Variants in VPS13B observed in about 807,000 individuals in gnomAD.
VPS13B encodes the protein vacuolar protein sorting 13 homolog B, also known as intermembrane lipid transfer protein VPS13B.
A neutral mutation model predicts 426.4 loss-of-function variants in VPS13B; 285 were observed. That is an observed-to-expected ratio of 0.67 (90% CI 0.61 to 0.74). VPS13B has a LOEUF of 0.74. Among genes scored for constraint, VPS13B ranks in the 30% least tolerant of loss-of-function variants. VPS13B has a pLI of 0.00. For missense variants in VPS13B, 4,537 were observed against 4,782.6 expected, an observed-to-expected ratio of 0.95 and a Z score of 1.51; for synonymous variants, 1,676 against 1,676.4, an observed-to-expected ratio of 1.00 and a Z score of 0.01.
intron 25 of VPS13B, among the ~76,000 whole-genome samples, chr8:99,497,305 T>TAAAATAATATGTATATATTTATATACAC (rs1227237222): frequency 0.015 from 2,159 of 144,890 alleles, 34 homozygotes; most frequent in East Asian, 0.079. Context: ...CATATATACA[T>TAAAATAATATGTATATATTTATATACAC]AAAATAATAT....
intron 35 of VPS13B, among the ~76,000 whole-genome samples, chr8:99,678,898 A>G (rs779857171): frequency 6.6e-6 from 1 of 152,120 alleles, no homozygotes; most frequent in East Asian, 1.9e-4. Context: ...GCATATTCCA[A>G]TGGTGGCCAG....
chr8:99,315,533 TG>T (rs1397974921), intron 19 of VPS13B, among the ~76,000 whole-genome samples: 2 of 152,154 alleles, frequency 1.3e-5, no homozygotes, highest in Admixed American at 6.5e-5. Context: ...CAAATCTTGG[TG>T]TTTTTTTTTT....
At chr8:99,539,716 C>T (rs1823457112) in intron 30 of VPS13B, among the ~76,000 whole-genome samples, 1 of 151,804 alleles carries the variant, frequency 6.6e-6, no homozygotes, top group African/African-American at 2.4e-5. Context: ...CCAATCTGGG[C>T]AACAGACCTC....
chr8:99,434,577 C>A (rs1380695919), intron 22 of VPS13B, among the ~76,000 whole-genome samples: 1 of 152,046 alleles, frequency 6.6e-6, no homozygotes, highest in Admixed American at 6.5e-5. Context: ...GAAATACATA[C>A]CTGCCATAAA....
At chr8:99,054,659 C>T (rs1355881340) in intron 3 of VPS13B, among the ~76,000 whole-genome samples, 1 of 151,992 alleles carries the variant, frequency 6.6e-6, no homozygotes, top group Non-Finnish European at 1.5e-5. Context: ...AAGATTTCCC[C>T]CTATGTTTTC....
intron 23 of VPS13B, among the ~76,000 whole-genome samples, chr8:99,466,913 A>G (rs1588410381): frequency 6.6e-6 from 1 of 152,304 alleles, no homozygotes; most frequent in Middle Eastern, 3.4e-3. Context: ...ACCATAGATA[A>G]AATCAGGATT....
At chr8:99,858,141 C>A (rs1222187559) in intron 56 of VPS13B, among the ~76,000 whole-genome samples, 2 of 152,224 alleles carry the variant, frequency 1.3e-5, no homozygotes, top group African/African-American at 4.8e-5. Context: ...GTCCCCACAG[C>A]CTTCCCATTA....
intron 33 of VPS13B, among the ~76,000 whole-genome samples, chr8:99,628,408 A>G (rs1828703121): frequency 6.6e-6 from 1 of 152,144 alleles, no homozygotes. Context: ...AAATCTCCCT[A>G]GCTGTCTTAG....
intron 54 of VPS13B, among the ~76,000 whole-genome samples, chr8:99,839,773 A>G (rs1009049429): frequency 6.6e-6 from 1 of 152,252 alleles, no homozygotes; most frequent in South Asian, 2.1e-4. Flanking sequence ...AATCCCTTCC[A>G]TGACATCTCA....
chr8:99,336,110 A>G (rs1810849197), intron 19 of VPS13B, among the ~76,000 whole-genome samples: 2 of 152,190 alleles, frequency 1.3e-5, no homozygotes, highest in East Asian at 3.8e-4. Context: ...CTGACTTCAA[A>G]CTATACTACA....
At chr8:99,527,420 C>A (rs1461107938) in intron 30 of VPS13B, among the ~76,000 whole-genome samples, 1 of 152,084 alleles carries the variant, frequency 6.6e-6, no homozygotes, top group Non-Finnish European at 1.5e-5. Flanking sequence ...TCCCTTAACC[C>A]TTTACCTTCT....
At chr8:99,741,565 T>A (rs1809725917) in intron 39 of VPS13B, among the ~76,000 whole-genome samples, 1 of 152,132 alleles carries the variant, frequency 6.6e-6, no homozygotes, top group East Asian at 1.9e-4. Context: ...ATTGACCACA[T>A]AGTTGGAAGT....
At chr8:99,343,097 CTT>C (rs759780417) in intron 19 of VPS13B, among the ~76,000 whole-genome samples, 6 of 142,174 alleles carry the variant, frequency 4.2e-5, no homozygotes, top group Non-Finnish European at 3.1e-5. Context: ...ATTTTTCTTT[CTT>C]TTTTTTTTTT....
At chr8:99,034,203 C>A (rs764735080) in intron 2 of VPS13B, among the ~76,000 whole-genome samples, 3 of 152,094 alleles carry the variant, frequency 2.0e-5, no homozygotes, top group Non-Finnish European at 2.9e-5. Flanking sequence ...GTTTCGTGTG[C>A]CTTCTGATTT....
chr8:99,721,601 T>C (rs1429782869), intron 39 of VPS13B, among the ~76,000 whole-genome samples: 5 of 152,238 alleles, frequency 3.3e-5, no homozygotes, highest in Non-Finnish European at 5.9e-5. Context: ...TGGATATCAC[T>C]ATGTTATCTT....
intron 50 of VPS13B, among the ~76,000 whole-genome samples, chr8:99,823,046 G>C (rs1814468751): frequency 6.6e-6 from 1 of 152,146 alleles, no homozygotes; most frequent in Non-Finnish European, 1.5e-5. Flanking sequence ...AGATGGGTAT[G>C]TTTAAGCAAG....
chr8:99,104,560 C>G (rs1489212929), intron 5 of VPS13B, among the ~76,000 whole-genome samples: 1 of 141,050 alleles, frequency 7.1e-6, no homozygotes, highest in Admixed American at 7.2e-5. Context: ...TCCCCACCGT[C>G]CCCCCTCCCC....
chr8:99,066,226 G>A (rs1178143731), intron 3 of VPS13B, among the ~76,000 whole-genome samples: 1 of 152,224 alleles, frequency 6.6e-6, no homozygotes, highest in African/African-American at 2.4e-5. Flanking sequence ...AAAGCTGGAG[G>A]TATCACGCTA....
chr8:99,395,848 T>C (rs952048656), intron 21 of VPS13B, among the ~76,000 whole-genome samples: 2 of 152,118 alleles, frequency 1.3e-5, no homozygotes, highest in African/African-American at 4.8e-5. Flanking sequence ...GTGTCATAAC[T>C]ACGTTGAGGT....
Sources: allele counts gnomAD v4.1 joint callset (sites outside exome capture counted in the v4.1 genomes callset), GRCh38; gene constraint gnomAD v4.1.1; transcripts MANE v1.5; gene names NCBI Gene and HGNC (gene_info 2026-07-23, HGNC 2026-07-21).